Variants in DCC observed in about 807,000 individuals in gnomAD.
The protein encoded by DCC is DCC netrin 1 receptor.
Under a neutral mutation model 172.5 loss-of-function variants are expected in DCC, and 58 were observed. That is an observed-to-expected ratio of 0.34 (90% CI 0.27 to 0.42). The LOEUF is 0.42. DCC is among the 10% of genes least tolerant of loss of function. DCC has a pLI of 1.00. For synonymous variants in DCC, 709 were observed against 644.5 expected, an observed-to-expected ratio of 1.10 and a Z score of -1.52; for missense variants, 1,740 against 1,791.0, an observed-to-expected ratio of 0.97 and a Z score of 0.51.
At chr18:52,861,939 G>A (rs180749145) in intron 2 of DCC, among the ~76,000 whole-genome samples, 3 of 152,214 alleles carry the variant, frequency 2.0e-5, no homozygotes, top group Admixed American at 1.3e-4. Flanking sequence ...ATAATTTTCT[G>A]TGAATGATAA....
chr18:53,412,844 G>A (rs772042193), intron 20 of DCC, among the ~76,000 whole-genome samples: 2 of 152,122 alleles, frequency 1.3e-5, no homozygotes, highest in African/African-American at 2.4e-5. Flanking sequence ...TAATTAAAAG[G>A]ACATTTGTAA....
intron 3 of DCC, among the ~76,000 whole-genome samples, chr18:52,914,584 T>C (rs1372889129): frequency 1.3e-5 from 2 of 152,168 alleles, no homozygotes; most frequent in Non-Finnish European, 2.9e-5. Context: ...TTTTCATTTT[T>C]TTATTAAATA....
At chr18:53,309,579 TACTC>T (rs1019327974) in intron 13 of DCC, among the ~76,000 whole-genome samples, 1 of 152,198 alleles carries the variant, frequency 6.6e-6, no homozygotes, top group Non-Finnish European at 1.5e-5. Flanking sequence ...AAACTTTACT[TACTC>T]AAAAATAAAT....
intron 1 of DCC, among the ~76,000 whole-genome samples, chr18:52,418,858 CTTTTTT>C (rs11313758): frequency 3.2e-5 from 3 of 93,016 alleles, no homozygotes; most frequent in African/African-American, 1.4e-4. Flanking sequence ...TTCTTTCTTT[CTTTTTT>C]TTTTTTTTTT....
intron 18 of DCC, among the ~76,000 whole-genome samples, chr18:53,400,623 G>A (rs1293201346): frequency 6.6e-6 from 1 of 152,044 alleles, no homozygotes; most frequent in Non-Finnish European, 1.5e-5. Context: ...GGAACAGTGT[G>A]CAGTTCACAT....
At chr18:53,099,239 T>C (rs1350860791) in intron 7 of DCC, among the ~76,000 whole-genome samples, 1 of 152,120 alleles carries the variant, frequency 6.6e-6, no homozygotes. Flanking sequence ...CTTCCCCCTA[T>C]GTATTTATTT....
chr18:52,525,924 A>C (rs2031968112), intron 1 of DCC, among the ~76,000 whole-genome samples: 1 of 152,226 alleles, frequency 6.6e-6, no homozygotes, highest in Non-Finnish European at 1.5e-5. Context: ...AAATGAAAAT[A>C]ATAATTTCTG....
chr18:52,651,582 T>C (rs2035132670), intron 1 of DCC, among the ~76,000 whole-genome samples: 1 of 152,156 alleles, frequency 6.6e-6, no homozygotes, highest in Non-Finnish European at 1.5e-5. Context: ...TCTACTCCTT[T>C]TTATCTATTG....
chr18:52,898,671 C>T (rs73956089), intron 2 of DCC, among the ~76,000 whole-genome samples: 2,919 of 150,840 alleles, frequency 0.019, 80 homozygotes, highest in African/African-American at 0.067. Context: ...AGCAGCTTTC[C>T]ATTCATTGCC....
chr18:52,466,405 C>T (rs542142638), intron 1 of DCC, among the ~76,000 whole-genome samples: 2 of 152,062 alleles, frequency 1.3e-5, no homozygotes, highest in African/African-American at 2.4e-5. Flanking sequence ...ATGGGAAACT[C>T]GAAAAACATT....
At chr18:53,162,298 C>CAA (rs59626358) in intron 8 of DCC, among the ~76,000 whole-genome samples, 1,320 of 114,716 alleles carry the variant, frequency 0.012, 18 homozygotes, top group Admixed American at 0.029. Context: ...GACTCTGCCT[C>CAA]AAAAAAAAAA....
At chr18:53,168,080 A>G (rs1480226512) in intron 8 of DCC, among the ~76,000 whole-genome samples, 6 of 152,218 alleles carry the variant, frequency 3.9e-5, no homozygotes, top group Admixed American at 2.0e-4. Context: ...ATTGGAGAGG[A>G]TATGGAGAAA....
rs2030310430 is a variant in DCC at position 52,487,898 on chromosome 18, CT to C, written c.91+147021del. 2.7e-5 allele frequency among the ~76,000 whole-genome samples: 4 copies of C among 150,728 alleles called. No individual in the cohort carries two copies. The South Asian group carries it at 8.4e-4, about 32-fold the overall frequency. On this transcript the variant is annotated intron_variant, in intron 1 of 28. Coordinates refer to ENST00000442544, the MANE Select transcript of DCC (RefSeq NM_005215.4). ...CTTGACAAATACATAAACCTAGACT[CT>C]CTGATTAACAGGATAATCGGGATGA...
At chr18:52,789,503 G>C (rs2037720906) in intron 2 of DCC, among the ~76,000 whole-genome samples, 1 of 152,106 alleles carries the variant, frequency 6.6e-6, no homozygotes, top group Non-Finnish European at 1.5e-5. Context: ...ATTAAGCTGA[G>C]CACTCTTTAA....
At chr18:52,529,714 A>C (rs991589787) in intron 1 of DCC, among the ~76,000 whole-genome samples, 1 of 152,188 alleles carries the variant, frequency 6.6e-6, no homozygotes, top group Non-Finnish European at 1.5e-5. Flanking sequence ...CATGCCAAGG[A>C]CTTGCAGATA....
At chr18:52,573,466 T>A (rs185452110) in intron 1 of DCC, among the ~76,000 whole-genome samples, 207 of 152,336 alleles carry the variant, frequency 1.4e-3, no homozygotes, top group Middle Eastern at 3.4e-3. Context: ...TATGCTTTTT[T>A]ATTATGTTCT....
chr18:53,085,816 C>G (rs2144149801), intron 7 of DCC, among the ~76,000 whole-genome samples: 1 of 151,256 alleles, frequency 6.6e-6, no homozygotes, highest in Middle Eastern at 3.4e-3. Context: ...TCAAAATGAT[C>G]CTCCTTCAAA....
chr18:53,256,984 G>A (rs897714920), intron 12 of DCC, among the ~76,000 whole-genome samples: 7 of 152,088 alleles, frequency 4.6e-5, no homozygotes, highest in Admixed American at 4.6e-4. Context: ...ATTGTGAATG[G>A]GAATTCACTC....
chr18:53,446,096 T>TAGAAAA (rs1167100791), intron 22 of DCC, among the ~76,000 whole-genome samples: 18 of 14,420 alleles, frequency 1.2e-3, no homozygotes, highest in African/African-American at 4.0e-3. Context: ...ACCCTGTCTC[T>TAGAAAA]ACAAAAAAAA....
Sources: allele counts gnomAD v4.1 joint callset (sites outside exome capture counted in the v4.1 genomes callset), GRCh38; gene constraint gnomAD v4.1.1; transcripts MANE v1.5; gene names NCBI Gene and HGNC (gene_info 2026-07-23, HGNC 2026-07-21).